The following AGBL1 variants were observed in gnomAD, a reference collection of about 807,000 sequenced individuals.
AGBL1 encodes cytosolic carboxypeptidase 4.
In AGBL1, 130 loss-of-function variants were observed where a neutral mutation model predicts 118.9. The ratio of observed to expected loss-of-function variants is 1.09; its 90% CI spans 0.95 to 1.26. The LOEUF is 1.26. Ranked by LOEUF, AGBL1 falls within the 50% of genes most tolerant of loss-of-function variation. The pLI, the probability that AGBL1 is intolerant of heterozygous loss-of-function variation, is 0.00. For synonymous variants in AGBL1, 555 were observed against 478.9 expected, an observed-to-expected ratio of 1.16 and a Z score of -2.08; for missense variants, 1,584 against 1,298.1, an observed-to-expected ratio of 1.22 and a Z score of -3.38.
At chr15:87,027,844 G>A (rs2081748549) in intron 24 of AGBL1, among the ~76,000 whole-genome samples, 2 of 151,876 alleles carry the variant, frequency 1.3e-5, no homozygotes, top group South Asian at 4.1e-4. Flanking sequence ...AGAACACATG[G>A]ACACATCAAG....
intron 21 of AGBL1, among the ~76,000 whole-genome samples, chr15:86,591,747 A>G (rs2084338707): frequency 6.6e-6 from 1 of 152,086 alleles, no homozygotes. Context: ...GCTTCATTAC[A>G]TTGGCACAAT....
At position 86,236,278 on chromosome 15, in the gene AGBL1, G is replaced by T. The variant is rs571971584; in HGVS notation, c.526+11327G>T. Among the ~76,000 whole-genome samples the T allele has an allele frequency of 2.6e-5, 4 of 151,700 alleles. No individual in the cohort carries two copies. The South Asian group carries it at 8.3e-4, about 32-fold the overall frequency. ...ATGGCAACCACTGCCCACAGACCGT[G>T]AGGCACACAGAGCACTAGACATCTC... is the stretch of plus-strand genomic sequence containing the variant. On this transcript the variant is annotated intron_variant, in intron 6 of 22. Coordinates refer to ENST00000614907, the MANE Select transcript of AGBL1 (RefSeq NM_001386094.1).
At chr15:86,837,158 C>T (rs1245360779) in intron 22 of AGBL1, among the ~76,000 whole-genome samples, 2 of 151,862 alleles carry the variant, frequency 1.3e-5, no homozygotes, top group African/African-American at 4.8e-5. Context: ...ACTTCAGGAT[C>T]CCTGCATATA....
In AGBL1 at chr15:86,458,779, G is replaced by T. The variant is rs542149576; in HGVS notation, c.2555+61233G>T. 2.0e-5 allele frequency among the ~76,000 whole-genome samples: 3 copies of T among 152,288 alleles called. No homozygotes were observed. In the South Asian group the frequency reaches 6.2e-4, roughly 32 times the overall value. On this transcript the variant is annotated intron_variant, in intron 18 of 22. Transcript: ENST00000614907. ...AGAGGGGTTACCCTAGGTTGCAGGA[G>T]ATAATTTTTGGGTTTATTGCAAGGC...
intron 17 of AGBL1, among the ~76,000 whole-genome samples, chr15:86,319,330 C>T (rs1405921078): frequency 2.0e-5 from 3 of 152,144 alleles, no homozygotes; most frequent in Non-Finnish European, 4.4e-5. Context: ...GGCTAACTTT[C>T]TGATTTTTGC....
chr15:86,533,662 C>T (rs921591051), intron 19 of AGBL1, among the ~76,000 whole-genome samples: 13 of 131,642 alleles, frequency 9.9e-5, no homozygotes, highest in Non-Finnish European at 1.7e-4. Context: ...CACATGCACA[C>T]GTATGTTTAT....
chr15:86,633,022 G>A (rs1368831331), intron 21 of AGBL1, among the ~76,000 whole-genome samples: 2 of 152,138 alleles, frequency 1.3e-5, no homozygotes, highest in Non-Finnish European at 2.9e-5. Context: ...ATTGTGAAAT[G>A]TAACATTAGG....
At chr15:86,404,932 A>G (rs182345287) in intron 18 of AGBL1, among the ~76,000 whole-genome samples, 3 of 152,230 alleles carry the variant, frequency 2.0e-5, no homozygotes, top group Non-Finnish European at 4.4e-5. Flanking sequence ...GAAGAGGAAA[A>G]TGTACCTGAA....
intron 6 of AGBL1, among the ~76,000 whole-genome samples, chr15:86,241,080 C>A (rs763534358): frequency 1.3e-5 from 2 of 152,094 alleles, no homozygotes; most frequent in Non-Finnish European, 2.9e-5. Context: ...GGGGTGTGAA[C>A]TTCAGCATGC....
chr15:86,872,614 G>A (rs1449500053), intron 22 of AGBL1, among the ~76,000 whole-genome samples: 2 of 152,028 alleles, frequency 1.3e-5, no homozygotes, highest in African/African-American at 2.4e-5. Context: ...AAATTAGCTG[G>A]GTATGGTAGT....
chr15:87,014,155 A>ATGT (rs1380744591), intron 24 of AGBL1, among the ~76,000 whole-genome samples: 1 of 152,196 alleles, frequency 6.6e-6, no homozygotes, highest in African/African-American at 2.4e-5. Context: ...TAGCCCAGAA[A>ATGT]TGTTATTTAG....
At chr15:86,753,054 T>C (rs1482726111) in intron 22 of AGBL1, among the ~76,000 whole-genome samples, 1 of 152,238 alleles carries the variant, frequency 6.6e-6, no homozygotes, top group Non-Finnish European at 1.5e-5. Context: ...CCTTGACAAC[T>C]CTTTTCTTTT....
chr15:86,186,245 G>C (rs773335935), intron 5 of AGBL1, among the ~76,000 whole-genome samples: 1 of 152,026 alleles, frequency 6.6e-6, no homozygotes. Flanking sequence ...GGGGAGGGAG[G>C]GTATCAGGAT....
intron 22 of AGBL1, among the ~76,000 whole-genome samples, chr15:86,768,738 A>T: frequency 6.6e-6 from 1 of 151,996 alleles, no homozygotes; most frequent in East Asian, 1.9e-4. Context: ...TTAACTTTTT[A>T]ACATGTATAG....
In AGBL1 at chr15:86,820,570, T is replaced by C. The variant is rs574746309; in HGVS notation, c.3159-86517T>C. On this transcript the variant is annotated intron_variant, in intron 22 of 22. Coordinates refer to ENST00000614907, the MANE Select transcript of AGBL1 (RefSeq NM_001386094.1). ...AAGACATTTTTGCGGCCAAGAAACA[T>C]ATGAAAAAAAGCTCATCACCATGTG... Among the ~76,000 whole-genome samples the C allele has an allele frequency of 4.7e-4, 71 of 151,714 alleles. 1 individual carries two copies. The highest frequency in any genetic ancestry group is 9.1e-4 in the Non-Finnish European group (62 of 67,968).
At chr15:86,382,092 C>T (rs1173552483) in intron 17 of AGBL1, among the ~76,000 whole-genome samples, 1 of 152,112 alleles carries the variant, frequency 6.6e-6, no homozygotes, top group Non-Finnish European at 1.5e-5. Flanking sequence ...GCCACATTTC[C>T]AGAAGAGTTG....
chr15:86,392,593 G>C (rs1425170705), intron 17 of AGBL1, among the ~76,000 whole-genome samples: 2 of 152,156 alleles, frequency 1.3e-5, no homozygotes, highest in African/African-American at 4.8e-5. Context: ...TAAATGAATG[G>C]ATGTTTATAT....
At chr15:86,517,775 T>G (rs1240987210) in intron 18 of AGBL1, among the ~76,000 whole-genome samples, 1 of 151,936 alleles carries the variant, frequency 6.6e-6, no homozygotes, top group Non-Finnish European at 1.5e-5. Context: ...AGCTTTGAAA[T>G]GAAGTTGTCT....
chr15:86,679,617 C>G (rs1223536602), intron 22 of AGBL1, among the ~76,000 whole-genome samples: 2 of 151,370 alleles, frequency 1.3e-5, no homozygotes, highest in Non-Finnish European at 2.9e-5. Context: ...TTATGAGCAT[C>G]CTCACCATAA....
Sources: allele counts gnomAD v4.1 joint callset (sites outside exome capture counted in the v4.1 genomes callset), GRCh38; gene constraint gnomAD v4.1.1; transcripts MANE v1.5; gene names NCBI Gene and HGNC (gene_info 2026-07-23, HGNC 2026-07-21).